The following CLEC16A variants were observed in gnomAD, a reference collection of about 807,000 sequenced individuals.
The protein encoded by CLEC16A is protein CLEC16A.
A neutral mutation model predicts 109.5 loss-of-function variants in CLEC16A; 51 were observed. The observed-to-expected ratio is 0.47, with a 90% CI of 0.37 to 0.59. CLEC16A has a LOEUF of 0.59. CLEC16A is among the 20% of genes least tolerant of loss of function. The pLI is 0.00. For missense variants in CLEC16A, 1,339 were observed against 1,394.0 expected, an observed-to-expected ratio of 0.96 and a Z score of 0.63; for synonymous variants, 673 against 564.2, an observed-to-expected ratio of 1.19 and a Z score of -2.73.
At chr16:11,137,819 G>A (rs1180244289) in intron 22 of CLEC16A, among the ~76,000 whole-genome samples, 1 of 152,004 alleles carries the variant, frequency 6.6e-6, no homozygotes, top group African/African-American at 2.4e-5. Context: ...AAAAAAAAGG[G>A]AAATGCAAAT....
chr16:11,089,296 G>A (rs1302278153), intron 19 of CLEC16A, among the ~76,000 whole-genome samples: 5 of 152,154 alleles, frequency 3.3e-5, no homozygotes, highest in Non-Finnish European at 7.3e-5. Context: ...TTCCTGCGTC[G>A]GGACATCAGG....
rs1297055306 is a variant in CLEC16A at position 11,174,460 on chromosome 16, C to T, written c.2807-3875C>T. Among the ~76,000 whole-genome samples the T allele has an allele frequency of 6.6e-6, 1 of 152,264 alleles. No individual in the cohort carries two copies. The highest frequency in any genetic ancestry group is 1.5e-5 in the Non-Finnish European group (1 of 68,046). On this transcript the variant is annotated intron_variant, in intron 23 of 23. Transcript: ENST00000409790. The surrounding 1 kb of genome is among the most constrained non-coding windows in gnomAD (Gnocchi z 4.7). Reference sequence around the variant, plus strand: ...TCTCCCTGCTCCCTGTCTGGCCTCACCTCATGTGAAGACCAGATCCCCGGC... The same window carrying T: ...TCTCCCTGCTCCCTGTCTGGCCTCATCTCATGTGAAGACCAGATCCCCGGC...
At position 11,049,318 on chromosome 16, in the gene CLEC16A, A is replaced by T. The variant is rs547308654; in HGVS notation, c.1866+1976A>T. On this transcript the variant is annotated intron_variant, in intron 17 of 23. Coordinates refer to ENST00000409790, the MANE Select transcript of CLEC16A (RefSeq NM_015226.3). Reference sequence around the variant, plus strand: ...ACCGCACCTGGCAATTTTTTTTTTTAAATCCGTAAGGTGGGGGATCCCTAC... The same window carrying T: ...ACCGCACCTGGCAATTTTTTTTTTTTAATCCGTAAGGTGGGGGATCCCTAC... Among the ~76,000 whole-genome samples, 15 of 151,474 alleles carry T rather than the reference A, an allele frequency of 9.9e-5. No homozygotes were observed. The South Asian group carries it at 1.5e-3, about 15-fold the overall frequency.
chr16:11,037,768 T>G (rs1199569081), intron 13 of CLEC16A, among the ~76,000 whole-genome samples: 1 of 151,648 alleles, frequency 6.6e-6, no homozygotes, highest in African/African-American at 2.4e-5. Context: ...CAGAGGAGCT[T>G]TTATTCCCCA....
At chr16:11,089,539 ACCT>A (rs1194713273) in intron 19 of CLEC16A, among the ~76,000 whole-genome samples, 4 of 151,982 alleles carry the variant, frequency 2.6e-5, no homozygotes, top group Non-Finnish European at 5.9e-5. Flanking sequence ...TGCCCATCAA[ACCT>A]CCTGCCAACA....
At position 11,126,065 on chromosome 16, in the gene CLEC16A, C is replaced by T. The variant is rs761303559; in HGVS notation, c.2560C>T (p.Arg854Cys). ...CACCTCCACTCAGCACCTGCCTTTCCGCTTCTACGACCAGGGGCGCCGGGG... is the reference window on the plus strand; with the variant it reads ...CACCTCCACTCAGCACCTGCCTTTCTGCTTCTACGACCAGGGGCGCCGGGG... ...SSTSTQHLPF[R>C]FYDQGRRGSS... is the part of the protein sequence containing the mutation. Residue 854 changes from arginine (R) to cysteine (C), a missense_variant, in exon 22 of 24, where the codon CGC becomes TGC. Physicochemically the swap from Arg to Cys is radical, Grantham distance 180. Transcript: ENST00000409790. 32 of 1,613,830 alleles carry T rather than the reference C, an allele frequency of 2.0e-5. No individual in the cohort carries two copies. The highest frequency in any genetic ancestry group is 9.3e-5 in the African/African-American group (7 of 74,908).
chr16:11,034,643 C>A (rs886773477), intron 13 of CLEC16A, among the ~76,000 whole-genome samples: 1 of 152,114 alleles, frequency 6.6e-6, no homozygotes, highest in Non-Finnish European at 1.5e-5. Flanking sequence ...CAGGCTCTGA[C>A]CCCTAAGGCA....
chr16:11,125,858 G>A, intron 21 of CLEC16A, 121 bp from the exon 22 acceptor site: 1 of 941,798 alleles, frequency 1.1e-6, no homozygotes, highest in East Asian at 2.5e-5. Context: ...CGCCCACTTG[G>A]CGTCTCCCAA....
Position 11,051,530 on chromosome 16 carries a change from G to C in CLEC16A, c.1884G>C (p.Val628=). The C allele has an allele frequency of 6.2e-7, 1 of 1,613,880 alleles. No individual in the cohort carries two copies. Among genetic ancestry groups the C allele is most frequent in the Non-Finnish European group, 8.5e-7 (1 of 1,179,772 alleles). The change falls in exon 18 of 24, where the codon GTG becomes GTC. Residue 628 remains valine, a synonymous_variant. Transcript: ENST00000409790. Reference sequence around the variant, plus strand: ...TCTTCTAGATGAAGCCCATGAACGTGGAATATCTCATGATGGACGCCTCCA... The same window carrying C: ...TCTTCTAGATGAAGCCCATGAACGTCGAATATCTCATGATGGACGCCTCCA... ...YRSMTMKPMN[V]EYLMMDASIL...
At chr16:11,012,573 C>A (rs926171321) in intron 11 of CLEC16A, among the ~76,000 whole-genome samples, 1 of 115,094 alleles carries the variant, frequency 8.7e-6, no homozygotes, top group Non-Finnish European at 1.6e-5. Context: ...CCAGCCTGGG[C>A]GATAGAGTGA....
chr16:11,124,872 C>T (rs11648856), intron 21 of CLEC16A, among the ~76,000 whole-genome samples: 5,021 of 152,178 alleles, frequency 0.033, 121 homozygotes, highest in Non-Finnish European at 0.052. Context: ...AACTCACTTG[C>T]GCCCAGGAAT....
chr16:11,081,824 G>C (rs978072991), intron 19 of CLEC16A, among the ~76,000 whole-genome samples: 1 of 152,226 alleles, frequency 6.6e-6, no homozygotes, highest in African/African-American at 2.4e-5. Flanking sequence ...AAAGTGGTTG[G>C]TTTTTAAATG....
intron 23 of CLEC16A, among the ~76,000 whole-genome samples, chr16:11,171,698 C>A (rs1254835067): frequency 6.6e-6 from 1 of 152,342 alleles, no homozygotes; most frequent in South Asian, 2.1e-4. Context: ...TTTAGAACCA[C>A]ATGTGGGGCC....
intron 12 of CLEC16A, among the ~76,000 whole-genome samples, chr16:11,022,777 T>C (rs1324128137): frequency 1.3e-5 from 2 of 151,678 alleles, no homozygotes; most frequent in African/African-American, 2.4e-5. Flanking sequence ...CGAGCGCTTG[T>C]GGTCCCAGCT....
At position 11,180,002 on chromosome 16, in the gene CLEC16A, C is replaced by G. The variant is rs2068908313; in HGVS notation, c.*1312C>G. On this transcript the variant is annotated 3_prime_UTR_variant, in exon 24 of 24. Coordinates refer to ENST00000409790, the MANE Select transcript of CLEC16A (RefSeq NM_015226.3). ...CCGTGATCCACCCTCCCCAAGTCCA[C>G]CAGGGCCAGCGGCCCCTCACCTCTC... 6.6e-6 allele frequency: 1 copy of G among 152,578 alleles called. No individual in the cohort carries two copies. Among genetic ancestry groups the G allele is most frequent in the South Asian group, 2.1e-4 (1 of 4,842 alleles). 9.5% of individuals were successfully genotyped at this position (152,578 alleles called of 1,614,324 possible).
chr16:11,149,267 G>A (rs888767466), intron 22 of CLEC16A, among the ~76,000 whole-genome samples: 1 of 152,162 alleles, frequency 6.6e-6, no homozygotes, highest in Non-Finnish European at 1.5e-5. Context: ...GATGGAACCG[G>A]TCAGCTGTTT....
At position 11,129,011 on chromosome 16, in the gene CLEC16A, C is replaced by A. The variant is rs1394537556; in HGVS notation, c.2641+2865C>A. On this transcript the variant is annotated intron_variant, in intron 22 of 23. Coordinates refer to ENST00000409790, the MANE Select transcript of CLEC16A (RefSeq NM_015226.3). ...CAAAATCCACATCTCTCCTTCTGAT[C>A]TTGGGTGGTGGCTGTGAGATCCGGC... Among the ~76,000 whole-genome samples the A allele has an allele frequency of 3.9e-5, 6 of 152,188 alleles. 1 individual carries two copies. In the East Asian group the frequency reaches 1.2e-3, roughly 29 times the overall value.
At chr16:11,080,548 G>A (rs1187872474) in intron 19 of CLEC16A, among the ~76,000 whole-genome samples, 10 of 152,212 alleles carry the variant, frequency 6.6e-5, no homozygotes, top group Non-Finnish European at 1.0e-4. Context: ...TCATATGGCT[G>A]CTGCTACACA....
At chr16:11,010,912 T>C (rs1040792854) in intron 11 of CLEC16A, among the ~76,000 whole-genome samples, 2 of 152,324 alleles carry the variant, frequency 1.3e-5, no homozygotes, top group African/African-American at 4.8e-5. Flanking sequence ...CATTTTGTCT[T>C]TGTGTGATGT....
Sources: allele counts gnomAD v4.1 joint callset (sites outside exome capture counted in the v4.1 genomes callset), GRCh38; gene constraint gnomAD v4.1.1; non-coding constraint Gnocchi (gnomAD v3.1); transcripts MANE v1.5; gene names NCBI Gene and HGNC (gene_info 2026-07-23, HGNC 2026-07-21).